Variants in NLGN1 observed in about 807,000 individuals in gnomAD.
NLGN1 encodes neuroligin 1.
In NLGN1, 12 loss-of-function variants were observed where a neutral mutation model predicts 65.5. The observed-to-expected ratio is 0.18, with a 90% CI of 0.12 to 0.30. The LOEUF is 0.30. Ranked by LOEUF, NLGN1 falls within the 10% of genes least tolerant of loss-of-function variation. The pLI is 1.00. For missense variants in NLGN1, 750 were observed against 1,007.1 expected, an observed-to-expected ratio of 0.74 and a Z score of 3.46; for synonymous variants, 350 against 359.5, an observed-to-expected ratio of 0.97 and a Z score of 0.30.
intron 2 of NLGN1, among the ~76,000 whole-genome samples, chr3:173,444,820 G>A (rs1719881645): frequency 1.3e-5 from 2 of 151,970 alleles, no homozygotes; most frequent in African/African-American, 4.8e-5. Flanking sequence ...AGATACTGCA[G>A]TATATAGTTG....
intron 3 of NLGN1, among the ~76,000 whole-genome samples, chr3:173,767,481 A>T (rs1778939407): frequency 6.6e-6 from 1 of 152,050 alleles, no homozygotes; most frequent in African/African-American, 2.4e-5. Flanking sequence ...CATTTTCACC[A>T]GACAGTAATA....
intron 3 of NLGN1, among the ~76,000 whole-genome samples, chr3:173,649,175 A>G (rs1313118048): frequency 6.6e-6 from 1 of 152,132 alleles, no homozygotes; most frequent in African/African-American, 2.4e-5. Flanking sequence ...CATTAGTATA[A>G]AACTTTAGAA....
chr3:174,064,963 A>T (rs1362511084), intron 4 of NLGN1, among the ~76,000 whole-genome samples: 1 of 151,564 alleles, frequency 6.6e-6, no homozygotes, highest in Admixed American at 6.6e-5. Flanking sequence ...ACATTAAAAA[A>T]TATCTTAAAG....
At chr3:173,705,150 A>G (rs990328398) in intron 3 of NLGN1, among the ~76,000 whole-genome samples, 8 of 151,716 alleles carry the variant, frequency 5.3e-5, no homozygotes, top group African/African-American at 1.9e-4. Flanking sequence ...TCTCCTTTGG[A>G]AACATTTTTT....
chr3:173,649,439 CAT>C (rs530182006), intron 3 of NLGN1, among the ~76,000 whole-genome samples: 50 of 152,180 alleles, frequency 3.3e-4, no homozygotes, highest in Admixed American at 1.9e-3. Context: ...TATGTCAAAA[CAT>C]ATCAAATTAC....
At chr3:173,549,356 G>GT (rs1740462965) in intron 2 of NLGN1, among the ~76,000 whole-genome samples, 1 of 151,776 alleles carries the variant, frequency 6.6e-6, no homozygotes, top group South Asian at 2.1e-4. Flanking sequence ...TATTCTTTTG[G>GT]TTTTTTAAAT....
At chr3:173,737,204 A>T (rs2150087802) in intron 3 of NLGN1, among the ~76,000 whole-genome samples, 1 of 149,856 alleles carries the variant, frequency 6.7e-6, no homozygotes, top group African/African-American at 2.5e-5. Context: ...AACTTCCTGT[A>T]TGATTGCTAA....
At chr3:173,575,813 A>G (rs1745418506) in intron 2 of NLGN1, among the ~76,000 whole-genome samples, 1 of 152,172 alleles carries the variant, frequency 6.6e-6, no homozygotes, top group African/African-American at 2.4e-5. Context: ...TCTCAAATAC[A>G]AAGTTTTCAG....
chr3:174,141,155 T>C (rs1203345670), intron 4 of NLGN1, among the ~76,000 whole-genome samples: 2 of 152,148 alleles, frequency 1.3e-5, no homozygotes, highest in Admixed American at 1.3e-4. Context: ...GCCATTTAAG[T>C]AATAGTTTTT....
chr3:173,476,171 C>G (rs1448122989), intron 2 of NLGN1, among the ~76,000 whole-genome samples: 1 of 152,170 alleles, frequency 6.6e-6, no homozygotes, highest in Non-Finnish European at 1.5e-5. Context: ...AGTTTGGTTT[C>G]TTTAGATCAG....
At chr3:173,584,601 T>G (rs1747014518) in intron 2 of NLGN1, 1 of 151,892 alleles carries the variant, frequency 6.6e-6, no homozygotes, top group East Asian at 1.9e-4. Context: ...ATCTATTGGA[T>G]TAGTAGGATT....
intron 4 of NLGN1, among the ~76,000 whole-genome samples, chr3:174,195,297 G>T (rs1408821624): frequency 1.3e-5 from 2 of 152,248 alleles, no homozygotes; most frequent in Admixed American, 1.3e-4. Flanking sequence ...GCAAGTTTAA[G>T]ATCTCTATTT....
chr3:173,843,067 T>C (rs1301789628), intron 4 of NLGN1, among the ~76,000 whole-genome samples: 1 of 152,228 alleles, frequency 6.6e-6, no homozygotes, highest in East Asian at 1.9e-4. Flanking sequence ...ACTCACAGGC[T>C]CAACACCATG....
rs546153677 is a variant in NLGN1, at chr3:173,826,781, G to C, written c.646+18949G>C. Among the ~76,000 whole-genome samples, 116 of 152,070 alleles carry C rather than the reference G, an allele frequency of 7.6e-4. 1 individual carries two copies. The highest frequency in any genetic ancestry group is 7.6e-3 in the Admixed American group (115 of 15,230). The stretch of plus-strand genomic sequence containing the variant: ...ATGTGTAAACGTTTATATTATACTG[G>C]TAAATGCATTCTCCCATCTATTGAA... On this transcript the variant is annotated intron_variant, in intron 4 of 6. Transcript: ENST00000457714.
intron 3 of NLGN1, among the ~76,000 whole-genome samples, chr3:173,657,774 A>G (rs1033034720): frequency 6.6e-6 from 1 of 151,860 alleles, no homozygotes; most frequent in Non-Finnish European, 1.5e-5. Context: ...AGGAAGAGGG[A>G]AGGAAGGTAG....
intron 4 of NLGN1, among the ~76,000 whole-genome samples, chr3:174,211,868 T>C (rs1459005981): frequency 6.6e-6 from 1 of 152,214 alleles, no homozygotes; most frequent in Non-Finnish European, 1.5e-5. Context: ...ATATAAAGAC[T>C]CTCCACATCC....
At chr3:173,839,713 G>A (rs531205019) in intron 4 of NLGN1, among the ~76,000 whole-genome samples, 59 of 152,174 alleles carry the variant, frequency 3.9e-4, no homozygotes, top group Admixed American at 1.6e-3. Context: ...GAGCCGCTGC[G>A]CCCAGCCGAG....
At chr3:173,522,943 T>TTTTTTTTTTTTTTTTTTTTTTTG (rs1553875214) in intron 2 of NLGN1, among the ~76,000 whole-genome samples, 1 of 151,890 alleles carries the variant, frequency 6.6e-6, no homozygotes, top group Non-Finnish European at 1.5e-5. Flanking sequence ...TGTTGTTTTT[T>TTTTTTTTTTTTTTTTTTTTTTTG]GACTTTGTAG....
At chr3:174,101,119 A>T (rs1433407664) in intron 4 of NLGN1, among the ~76,000 whole-genome samples, 2 of 152,134 alleles carry the variant, frequency 1.3e-5, no homozygotes, top group Non-Finnish European at 2.9e-5. Flanking sequence ...TAAAATTGGG[A>T]CAGTGATGTT....
Sources: gnomAD v4.1 joint callset for allele counts (sites outside exome capture counted in the v4.1 genomes callset) on GRCh38, gnomAD v4.1.1 for gene constraint, MANE v1.5 for transcripts, NCBI Gene and HGNC (gene_info 2026-07-23, HGNC 2026-07-21) for gene names.